Variants in TMEM200A observed in about 807,000 individuals in gnomAD.
The protein encoded by TMEM200A is two transmembrane C.
Under a neutral mutation model 24.3 loss-of-function variants are expected in TMEM200A, and 12 were observed. The ratio of observed to expected loss-of-function variants is 0.49; its 90% CI spans 0.32 to 0.80. The LOEUF is 0.80. Ranked by LOEUF, TMEM200A falls within the 30% of genes least tolerant of loss-of-function variation. TMEM200A has a pLI of 0.04. For missense variants in TMEM200A, 545 were observed against 614.4 expected (o/e 0.89, Z 1.19); for synonymous variants, 224 against 224.4 (o/e 1.00, Z 0.02).
intron 2 of TMEM200A, among the ~76,000 whole-genome samples, chr6:130,436,475 C>T (rs1452433710): frequency 9.7e-5 from 13 of 133,570 alleles, no homozygotes; most frequent in Non-Finnish European, 1.5e-5. Context: ...TGTAGCTTTG[C>T]AGCATTGACC....
At chr6:130,383,963 A>G (rs968452974) in intron 1 of TMEM200A, among the ~76,000 whole-genome samples, 67 of 152,128 alleles carry the variant, frequency 4.4e-4, no homozygotes, top group African/African-American at 1.6e-3. Context: ...TACTAAAAAT[A>G]CAAAAAATTA....
At chr6:130,382,901 T>G in intron 1 of TMEM200A, 2 of 326,884 alleles carry the variant, frequency 6.1e-6, no homozygotes, top group Non-Finnish European at 8.8e-6. Flanking sequence ...AGCAGGAACA[T>G]TTGTGTTATT....
At chr6:130,422,049 T>A (rs1779604948) in intron 2 of TMEM200A, among the ~76,000 whole-genome samples, 1 of 152,176 alleles carries the variant, frequency 6.6e-6, no homozygotes, top group Non-Finnish European at 1.5e-5. Context: ...AACATACTGA[T>A]TTTATTTCTT....
intron 2 of TMEM200A, among the ~76,000 whole-genome samples, chr6:130,436,687 C>T (rs1583233935): frequency 8.5e-6 from 1 of 117,108 alleles, no homozygotes; most frequent in African/African-American, 3.0e-5. Flanking sequence ...CTTGCTCTAT[C>T]ACCCAAGCTG....
At chr6:130,415,740 C>G (rs1779435053) in intron 2 of TMEM200A, among the ~76,000 whole-genome samples, 1 of 152,120 alleles carries the variant, frequency 6.6e-6, no homozygotes, top group Admixed American at 6.5e-5. Flanking sequence ...GCGCCCAAAC[C>G]TAAAAGAAAA....
intron 2 of TMEM200A, among the ~76,000 whole-genome samples, chr6:130,398,079 T>C (rs1283360881): frequency 1.3e-5 from 2 of 151,980 alleles, no homozygotes; most frequent in Non-Finnish European, 2.9e-5. Flanking sequence ...ACCCAGGTAG[T>C]GATATAGTAC....
At chr6:130,377,501 G>T (rs1778488049) in intron 1 of TMEM200A, among the ~76,000 whole-genome samples, 1 of 152,028 alleles carries the variant, frequency 6.6e-6, no homozygotes, top group Admixed American at 6.6e-5. Flanking sequence ...TCCCTACCTA[G>T]AACCCCATGA....
intron 2 of TMEM200A, among the ~76,000 whole-genome samples, chr6:130,405,115 G>A (rs1366598195): frequency 6.6e-6 from 1 of 152,072 alleles, no homozygotes; most frequent in Non-Finnish European, 1.5e-5. Context: ...TGCTCTTTTT[G>A]CTTAGGATTG....
At chr6:130,374,412 GT>G (rs1778395730) in intron 1 of TMEM200A, among the ~76,000 whole-genome samples, 2 of 148,400 alleles carry the variant, frequency 1.3e-5, no homozygotes, top group African/African-American at 2.5e-5. Flanking sequence ...TTTTGTTTTT[GT>G]TTTTGTTTTT....
In TMEM200A at chr6:130,383,439, G is replaced by A. The variant is rs1226773470; in HGVS notation, c.-80-1734G>A. On this transcript the variant is annotated intron_variant, in intron 1 of 2. Transcript: ENST00000296978. ...GATGTTTTGAAACGTTCATGATGCC[G>A]TCTTAATAAAGTTGAAGTTTGAAAA... Among the ~76,000 whole-genome samples the A allele has an allele frequency of 7.9e-5, 12 of 152,210 alleles. No homozygotes were observed. The East Asian group carries it at 1.2e-3, about 15-fold the overall frequency.
Position 130,440,548 on chromosome 6 carries a change from C to A in TMEM200A, c.126C>A (p.Arg42=), listed in dbSNP as rs372506968. 48 of 1,613,998 alleles carry A rather than the reference C, an allele frequency of 3.0e-5. No homozygotes were observed. The highest frequency in any genetic ancestry group is 4.0e-5 in the Non-Finnish European group (47 of 1,179,966). The part of the protein sequence containing the change: ...PATQEKKPIR[R]RPRADVVVVR... ...CCCAAGAGAAGAAGCCCATCAGGCG[C>A]CGGCCCCGGGCAGATGTTGTGGTTG... The change falls in exon 3 of 3, where the codon CGC becomes CGA. Residue 42 remains arginine (R), a synonymous_variant. Coordinates refer to ENST00000296978, the MANE Select transcript of TMEM200A (RefSeq NM_001258277.2).
At chr6:130,434,737 T>A (rs773818371) in intron 2 of TMEM200A, among the ~76,000 whole-genome samples, 4 of 152,190 alleles carry the variant, frequency 2.6e-5, no homozygotes, top group Non-Finnish European at 5.9e-5. Context: ...AAATCTTCTC[T>A]TCAAGAAGAG....
chr6:130,435,387 A>G (rs1779978103), intron 2 of TMEM200A, among the ~76,000 whole-genome samples: 1 of 152,148 alleles, frequency 6.6e-6, no homozygotes, highest in African/African-American at 2.4e-5. Context: ...TTTATTTATA[A>G]CCAGTTAAAT....
chr6:130,365,629 G>C (rs1778116465), upstream of TMEM200A: 2 of 985,356 alleles, frequency 2.0e-6, no homozygotes, highest in South Asian at 4.7e-5. Context: ...CTCGGTAACC[G>C]GTGGTCCCGC....
chr6:130,383,835 A>C (rs886819190), intron 1 of TMEM200A, among the ~76,000 whole-genome samples: 11 of 152,174 alleles, frequency 7.2e-5, no homozygotes, highest in Non-Finnish European at 1.6e-4. Flanking sequence ...AGAAAAGAAG[A>C]GGCAGGGAGC....
At chr6:130,397,342 A>G (rs1050490499) in intron 2 of TMEM200A, among the ~76,000 whole-genome samples, 4 of 152,148 alleles carry the variant, frequency 2.6e-5, no homozygotes, top group African/African-American at 4.8e-5. Flanking sequence ...ACCAATTTGT[A>G]TCTCCATTAA....
rs1164804583 is a variant in TMEM200A, at chr6:130,366,674, G to A, written c.-81+150G>A. The A allele has an allele frequency of 7.0e-6, 5 of 714,788 alleles. No homozygotes were observed. Among genetic ancestry groups the A allele is most frequent in the East Asian group, 1.3e-4 (1 of 7,530 alleles). The allele number at this position is 714,788 out of a possible 1,614,324, so 44.3% of individuals were successfully genotyped here. A position where few individuals can be genotyped will look rare whatever the true frequency, so the allele number is the denominator to read the frequency against. On this transcript the variant is annotated intron_variant, in intron 1 of 2. Transcript: ENST00000296978. This position sits in a 1 kb window ranked among gnomAD's most constrained non-coding sequence, Gnocchi z 4.4. Reference sequence around the variant, plus strand: ...TAAACGCTGTCTCTCCTAAAGTTTGGGAAATAAACCAAGTCCGCCATCAGG... The same window carrying A: ...TAAACGCTGTCTCTCCTAAAGTTTGAGAAATAAACCAAGTCCGCCATCAGG...
rs545441158 is a variant in TMEM200A, at chr6:130,396,073, A to G, written c.-17+10837A>G. 3.8e-4 allele frequency among the ~76,000 whole-genome samples: 58 copies of G among 152,318 alleles called. No homozygotes were observed. In the South Asian group the frequency reaches 0.011, roughly 29 times the overall value. On this transcript the variant is annotated intron_variant, in intron 2 of 2. Coordinates refer to ENST00000296978, the MANE Select transcript of TMEM200A (RefSeq NM_001258277.2). ...GTTATAAACTGTATGCAAAGCCAGTATGGTTTAATTATTTTTTCTTTTTGC... is the reference window on the plus strand; with the variant it reads ...GTTATAAACTGTATGCAAAGCCAGTGTGGTTTAATTATTTTTTCTTTTTGC...
intron 2 of TMEM200A, among the ~76,000 whole-genome samples, chr6:130,404,976 G>A (rs758463842): frequency 3.8e-4 from 57 of 151,980 alleles, no homozygotes; most frequent in Non-Finnish European, 6.8e-4. Flanking sequence ...ATAGTTGTGC[G>A]GTTATTTCTG....
Sources: gnomAD v4.1 joint callset for allele counts (sites outside exome capture counted in the v4.1 genomes callset) on GRCh38, gnomAD v4.1.1 for gene constraint, Gnocchi (gnomAD v3.1) non-coding constraint, MANE v1.5 for transcripts, NCBI Gene and HGNC (gene_info 2026-07-23, HGNC 2026-07-21) for gene names.